Variants in NCOR1 observed in about 807,000 individuals in gnomAD.
The protein encoded by NCOR1 is nuclear receptor corepressor 1, also known as protein phosphatase 1, regulatory subunit 109.
A neutral mutation model predicts 288.1 loss-of-function variants in NCOR1; 63 were observed. The ratio of observed to expected loss-of-function variants is 0.22; its 90% CI spans 0.18 to 0.27. The LOEUF (loss-of-function observed/expected upper bound fraction) is 0.27, where lower values mean the gene tolerates loss of function less well. Ranked by LOEUF, NCOR1 falls within the 10% of genes least tolerant of loss-of-function variation. The pLI is 1.00. For synonymous variants in NCOR1, 1,007 were observed against 1,065.9 expected, an observed-to-expected ratio of 0.94 and a Z score of 1.08; for missense variants, 2,397 against 3,019.2, an observed-to-expected ratio of 0.79 and a Z score of 4.83.
chr17:16,063,685 G>T (rs2060792873), intron 35 of NCOR1, among the ~76,000 whole-genome samples: 1 of 152,060 alleles, frequency 6.6e-6, no homozygotes, highest in Non-Finnish European at 1.5e-5. Flanking sequence ...TGTAATTCAA[G>T]ATGCTACACA....
At chr17:16,062,070 G>A (rs2060602475) in intron 36 of NCOR1, 35 bp downstream of exon 36, 3 of 1,605,550 alleles carry the variant, frequency 1.9e-6, no homozygotes, top group African/African-American at 1.3e-5. Flanking sequence ...ATATGCAAGA[G>A]ACATTTTTTG....
At chr17:16,130,309 G>T (rs979365626) in intron 14 of NCOR1, among the ~76,000 whole-genome samples, 3 of 152,178 alleles carry the variant, frequency 2.0e-5, no homozygotes, top group African/African-American at 7.2e-5. Context: ...TTTGTTTCAG[G>T]CAAATCTGTA....
At chr17:16,163,614 C>CA (rs2081346170) in intron 5 of NCOR1, among the ~76,000 whole-genome samples, 1 of 151,932 alleles carries the variant, frequency 6.6e-6, no homozygotes, top group South Asian at 2.1e-4. Flanking sequence ...TGAAGTTTTT[C>CA]AAAAATTTAA....
intron 14 of NCOR1, among the ~76,000 whole-genome samples, chr17:16,134,069 T>C (rs754239232): frequency 2.6e-5 from 4 of 152,188 alleles, no homozygotes; most frequent in Non-Finnish European, 5.9e-5. Context: ...ACAACTGAAA[T>C]CTGGCAGCCC....
rs910288390 is a variant in NCOR1 at position 16,127,325 on chromosome 17, G to A, written c.1510-1119C>T. ...TGTATATATACATGTATGTATATAT[G>A]TATGTATATATACATGTATGTATAT... On this transcript the variant is annotated intron_variant, in intron 14 of 45. Coordinates refer to ENST00000268712, the MANE Select transcript of NCOR1 (RefSeq NM_006311.4). Among the ~76,000 whole-genome samples, 3 of 100,360 alleles carry A rather than the reference G, an allele frequency of 3.0e-5. 1 individual carries two copies. Among genetic ancestry groups the A allele is most frequent in the East Asian group, 2.1e-4 (1 of 4,684 alleles). 65.8% of individuals were successfully genotyped at this position (100,360 alleles called of 152,430 possible).
intron 3 of NCOR1, among the ~76,000 whole-genome samples, chr17:16,180,058 T>C (rs887212927): frequency 6.6e-6 from 1 of 150,610 alleles, no homozygotes; most frequent in Non-Finnish European, 1.5e-5. Context: ...GTGGGACATA[T>C]CCCTGGCATG....
chr17:16,167,439 AC>A (rs1359915646), intron 4 of NCOR1, among the ~76,000 whole-genome samples: 2 of 152,072 alleles, frequency 1.3e-5, no homozygotes, highest in Non-Finnish European at 2.9e-5. Flanking sequence ...TTAGCAAATC[AC>A]AAAAAGCCTC....
intron 1 of NCOR1, among the ~76,000 whole-genome samples, chr17:16,212,289 A>G (rs1194963972): frequency 1.3e-5 from 2 of 152,128 alleles, no homozygotes; most frequent in African/African-American, 4.8e-5. Context: ...AAGAAAAAAA[A>G]AAGATAATCT....
At chr17:16,092,569 T>A (rs2152915299) in intron 21 of NCOR1, among the ~76,000 whole-genome samples, 1 of 146,026 alleles carries the variant, frequency 6.8e-6, no homozygotes, top group East Asian at 2.1e-4. Flanking sequence ...ATCTGTCTGA[T>A]TCTAATTTAT....
At chr17:16,212,736 G>A (rs904160717) in intron 1 of NCOR1, among the ~76,000 whole-genome samples, 2 of 152,110 alleles carry the variant, frequency 1.3e-5, no homozygotes, top group Non-Finnish European at 2.9e-5. Context: ...GATAACAAAG[G>A]TAAGAAAAGA....
rs2081321212 is a variant in NCOR1, at chr17:16,163,511, T to C, written c.618+1468A>G. Among the ~76,000 whole-genome samples the C allele has an allele frequency of 4.0e-5, 6 of 151,852 alleles. No homozygotes were observed. In the South Asian group the frequency reaches 1.2e-3, roughly 31 times the overall value. ...GCTATATTTTTTTAAAAAAGGAAAATAACAGATGTTGGCAAGGAGGTAGGA... is the reference window on the plus strand; with the variant it reads ...GCTATATTTTTTTAAAAAAGGAAAACAACAGATGTTGGCAAGGAGGTAGGA... On this transcript the variant is annotated intron_variant, in intron 5 of 45. Coordinates refer to ENST00000268712, the MANE Select transcript of NCOR1 (RefSeq NM_006311.4).
At chr17:16,109,009 ACCAGACAAGGAGGT>A in intron 18 of NCOR1, 97 bp from the exon 19 acceptor site, 1 of 917,434 alleles carries the variant, frequency 1.1e-6, no homozygotes, top group Non-Finnish European at 1.5e-6. Flanking sequence ...ACACACACAC[ACCAGACAAGGAGGT>A]CACATGTTTG....
chr17:16,107,389 AAG>A (rs1182427305), intron 19 of NCOR1, among the ~76,000 whole-genome samples: 3 of 152,138 alleles, frequency 2.0e-5, no homozygotes, highest in African/African-American at 7.2e-5. Context: ...TCATATGAGG[AAG>A]AGACACCAGG....
chr17:16,152,194 G>A (rs1417742821), intron 7 of NCOR1, among the ~76,000 whole-genome samples, 196 bp from the exon 8 acceptor site: 1 of 152,128 alleles, frequency 6.6e-6, no homozygotes, highest in African/African-American at 2.4e-5. Context: ...TAGGGTACAC[G>A]TGCACAACGT....
At chr17:16,046,533 C>T (rs1376629805) in intron 42 of NCOR1, among the ~76,000 whole-genome samples, 1 of 151,960 alleles carries the variant, frequency 6.6e-6, no homozygotes, top group Middle Eastern at 3.2e-3. Context: ...GACATGTGAC[C>T]CACAGCTGAT....
At chr17:16,143,585 G>T (rs777135519) in intron 11 of NCOR1, 21 bp downstream of exon 11, 4 of 1,574,748 alleles carry the variant, frequency 2.5e-6, no homozygotes, top group African/African-American at 1.3e-5. Flanking sequence ...GAATTAACTT[G>T]AATTAAATTT....
At chr17:16,134,057 T>C (rs1270175325) in intron 14 of NCOR1, among the ~76,000 whole-genome samples, 1 of 152,178 alleles carries the variant, frequency 6.6e-6, no homozygotes, top group East Asian at 1.9e-4. Flanking sequence ...AGTAATCATG[T>C]CACAACTGAA....
intron 3 of NCOR1, among the ~76,000 whole-genome samples, chr17:16,185,454 C>T (rs374136107): frequency 2.0e-5 from 3 of 151,684 alleles, no homozygotes; most frequent in Non-Finnish European, 2.9e-5. Flanking sequence ...GAGGCCAAAG[C>T]GGGCAGATCA....
Position 16,073,413 on chromosome 17 carries a change from G to A in NCOR1, c.3811+16C>T. 2 of 1,549,460 alleles carry A rather than the reference G, an allele frequency of 1.3e-6. No individual in the cohort carries two copies. Among genetic ancestry groups the A allele is most frequent in the Non-Finnish European group, 1.7e-6 (2 of 1,152,214 alleles). On this transcript the variant is annotated intron_variant, in intron 28 of 45. Transcript: ENST00000268712. ...ATAACATGTATCAAAATAACATTCT[G>A]AAAACAATGCTTTACCCTCTAACGG...
Sources: gnomAD v4.1 joint callset for allele counts (sites outside exome capture counted in the v4.1 genomes callset) on GRCh38, gnomAD v4.1.1 for gene constraint, MANE v1.5 for transcripts, NCBI Gene and HGNC (gene_info 2026-07-23, HGNC 2026-07-21) for gene names.